The following FABP2 variants were observed in gnomAD, a reference collection of about 807,000 sequenced individuals.
The protein encoded by FABP2 is fatty acid binding protein 2.
FABP2 carries 11 observed loss-of-function variants against 16.1 expected under a neutral mutation model. The observed-to-expected ratio is 0.68, with a 90% CI of 0.43 to 1.13. The LOEUF (loss-of-function observed/expected upper bound fraction) is 1.13, where lower values mean the gene tolerates loss of function less well. Ranked by LOEUF, FABP2 falls within the 50% of genes most tolerant of loss-of-function variation. The pLI is 0.00. For synonymous variants in FABP2, 45 were observed against 50.9 expected, an observed-to-expected ratio of 0.88 and a Z score of 0.49; for missense variants, 146 against 155.1, an observed-to-expected ratio of 0.94 and a Z score of 0.31.
At position 119,322,130 on chromosome 4, in the gene FABP2, G is replaced by A. The variant is rs758828734; in HGVS notation, c.-28C>T. 3 of 1,585,140 alleles carry A rather than the reference G, an allele frequency of 1.9e-6. No homozygotes were observed. The Admixed American group carries it at 5.1e-5, about 27-fold the overall frequency. Reference sequence around the variant, plus strand: ...TTTCAGTTGAGTCAGCCTCTAGGCAGCTAGAGATTCAGGTCTGTCCTTGGG... The same window carrying A: ...TTTCAGTTGAGTCAGCCTCTAGGCAACTAGAGATTCAGGTCTGTCCTTGGG... On this transcript the variant is annotated 5_prime_UTR_variant, in exon 1 of 4. Transcript: ENST00000274024.
chr4:119,319,779 T>C lies in FABP2; in HGVS notation c.241-136A>G, dbSNP rs12711071. 95,024 of 329,594 alleles carry C rather than the reference T, an allele frequency of 0.29. 14,529 individuals carry two copies. The highest frequency in any genetic ancestry group is 0.38 in the African/African-American group (17,500 of 46,372). 20.4% of individuals were successfully genotyped at this position (329,594 alleles called of 1,614,324 possible). A position where few individuals can be genotyped will look rare whatever the true frequency, so the allele number is the denominator to read the frequency against. On this transcript the variant is annotated intron_variant, in intron 2 of 3. Transcript: ENST00000274024. ...TGGTGACCCTATGAAACTGATACTA[T>C]TATCTCTACTTTGCAGAAGAGGAGA...
Position 119,319,005 on chromosome 4 carries a change from C to T in FABP2, c.*36G>A. ...TCTGGTACAATATAGATCTTCTGTCCAATTTGTATTTTGGACTGTGCGCCA... is the reference window on the plus strand; with the variant it reads ...TCTGGTACAATATAGATCTTCTGTCTAATTTGTATTTTGGACTGTGCGCCA... On this transcript the variant is annotated 3_prime_UTR_variant, in exon 4 of 4. Transcript: ENST00000274024. The T allele has an allele frequency of 6.5e-7, 1 of 1,542,428 alleles. No individual in the cohort carries two copies. Among genetic ancestry groups the T allele is most frequent in the South Asian group, 1.2e-5 (1 of 85,260 alleles).
chr4:119,319,677 AATG>A, intron 2 of FABP2, 34 bp from the exon 3 acceptor site: 1 of 992,430 alleles, frequency 1.0e-6, no homozygotes, highest in Non-Finnish European at 1.3e-6. Flanking sequence ...TAATAATAAT[AATG>A]GCATTTATTA....
In FABP2 at chr4:119,319,085, C is replaced by A. The variant is rs1051898519; in HGVS notation, c.355G>T (p.Val119Leu). The change falls in exon 4 of 4, where the codon GTA becomes TTA. Residue 119 changes from valine (V) to leucine (L), a missense_variant. Physicochemically the swap from Val to Leu is conservative, Grantham distance 32. Coordinates refer to ENST00000274024, the MANE Select transcript of FABP2 (RefSeq NM_000134.4). ...IIGDELVQTY[V>L]YEGVEAKRIF... ...CTTTTGGCTTCTACTCCTTCATATA[C>A]ATAAGTCTGAAAGGTGTTAACAAAC... is the stretch of plus-strand genomic sequence containing the variant. 3.1e-6 allele frequency: 5 copies of A among 1,593,426 alleles called. No homozygotes were observed. In the Admixed American group the frequency reaches 7.1e-5, roughly 23 times the overall value.
Position 119,320,858 on chromosome 4 carries a change from C to A in FABP2, c.68-16G>T. 1 of 1,522,264 alleles carries A rather than the reference C, an allele frequency of 6.6e-7. No individual in the cohort carries two copies. Among genetic ancestry groups the A allele is most frequent in the Non-Finnish European group, 8.7e-7 (1 of 1,144,730 alleles). 94.3% of individuals were successfully genotyped at this position (1,522,264 alleles called of 1,614,324 possible). A position where few individuals can be genotyped will look rare whatever the true frequency, so the allele number is the denominator to read the frequency against. ...ATATTAACACCTGTAAAAGGTAAGA[C>A]AATGGAGAAAATAAAGTCAAATCCC... On this transcript the variant is annotated splice_polypyrimidine_tract_variant and intron_variant, in intron 1 of 3. Transcript: ENST00000274024.
At chr4:119,319,128 A>G in intron 3 of FABP2, 37 bp from the exon 4 acceptor site, 3 of 1,429,394 alleles carry the variant, frequency 2.1e-6, no homozygotes, top group South Asian at 1.2e-5. Context: ...TTTATCTTTA[A>G]GGTTTACATC....
chr4:119,319,455 G>C lies in FABP2; in HGVS notation c.348+81C>G, dbSNP rs969284937. 15 of 754,344 alleles carry C rather than the reference G, an allele frequency of 2.0e-5. 1 individual carries two copies. In the South Asian group the frequency reaches 2.1e-4, roughly 11 times the overall value. The allele number at this position is 754,344 out of a possible 1,614,324, so 46.7% of individuals were successfully genotyped here. On this transcript the variant is annotated intron_variant, in intron 3 of 3. Transcript: ENST00000274024. Reference sequence around the variant, plus strand: ...GAAAAGAAGTAGTCAGTTTACTGAAGATCTGGCTCAGCAGTGACAAAAATT... The same window carrying C: ...GAAAAGAAGTAGTCAGTTTACTGAACATCTGGCTCAGCAGTGACAAAAATT...
rs867211181 is a variant in FABP2, at chr4:119,320,733, A to G, written c.177T>C (p.Ile59=). 2 of 1,605,500 alleles carry G rather than the reference A, an allele frequency of 1.2e-6. No individual in the cohort carries two copies. The highest frequency in any genetic ancestry group is 2.7e-5 in the African/African-American group (2 of 74,264). ...TGACACCAAGTTCAAAAACAACTTC[A>G]ATGTTTCGAAAAGTGCTTGATTCTT... ...TVKESSTFRN[I]EVVFELGVTF... The change falls in exon 2 of 4, where the codon ATT becomes ATC. Residue 59 remains isoleucine (I), a synonymous_variant. Transcript: ENST00000274024.
chr4:119,320,970 G>A, intron 1 of FABP2, 128 bp from the exon 2 acceptor site: 1 of 670,216 alleles, frequency 1.5e-6, no homozygotes, highest in Non-Finnish European at 2.3e-6. Context: ...CTTTGCACAA[G>A]AACATTCAGA....
intron 2 of FABP2, 21 bp from the exon 3 acceptor site, chr4:119,319,664 T>TAATAATAAC: frequency 9.9e-7 from 1 of 1,005,220 alleles, no homozygotes; most frequent in African/African-American, 1.7e-5. Context: ...ATAATAATAA[T>TAATAATAAC]AATAATAATA....
chr4:119,320,701 TTAAA>T lies in FABP2; in HGVS notation c.205_208del (p.Phe69IlefsTer4), dbSNP rs1371874284. 1 of 1,599,442 alleles carries T rather than the reference TTAAA, an allele frequency of 6.3e-7. No individual in the cohort carries two copies. Among genetic ancestry groups the T allele is most frequent in the Non-Finnish European group, 8.5e-7 (1 of 1,175,558 alleles). On this transcript the variant is annotated frameshift_variant, in exon 2 of 4. Transcript: ENST00000274024. LOFTEE classifies it high-confidence loss of function. ...TTCAGTTCCGTCTGCTAGATTGTAATTAAAGGTGACACCAAGTTCAAAAACAACT... is the reference window on the plus strand; with the variant it reads ...TTCAGTTCCGTCTGCTAGATTGTAATGGTGACACCAAGTTCAAAAACAACT...
rs780659556 is a variant in FABP2, at chr4:119,320,758, TTGAC to T, written c.148_151del (p.Val50LysfsTer23). On this transcript the variant is annotated frameshift_variant, in exon 2 of 4. Coordinates refer to ENST00000274024, the MANE Select transcript of FABP2 (RefSeq NM_000134.4). LOFTEE classifies it high-confidence loss of function. The stretch of plus-strand genomic sequence containing the variant: ...AATGTTTCGAAAAGTGCTTGATTCT[TTGAC>T]TGTGAATTTATTTCCTTCTTGTGTA... 5.6e-6 allele frequency: 9 copies of T among 1,606,354 alleles called. No individual in the cohort carries two copies. Among genetic ancestry groups the T allele is most frequent in the East Asian group, 2.2e-5 (1 of 44,518 alleles).
rs1374084118 is a variant in FABP2 at position 119,322,091 on chromosome 4, G to A, written c.12C>T (p.Asp4=). 6.2e-7 allele frequency: 1 copy of A among 1,613,070 alleles called. No homozygotes were observed. The highest frequency in any genetic ancestry group is 8.5e-7 in the Non-Finnish European group (1 of 1,179,480). The change falls in exon 1 of 4, where the codon GAC becomes GAT. Residue 4 remains aspartate (D), a synonymous_variant. Coordinates refer to ENST00000274024, the MANE Select transcript of FABP2 (RefSeq NM_000134.4). ...CACTCCGGTCTACCTTCCAAGTGCT[G>A]TCAAACGCCATGATTTCAGTTGAGT... MAF[D]STWKVDRSEN...
At chr4:119,320,321 GCTATTA>G (rs1755645792) in intron 2 of FABP2, among the ~76,000 whole-genome samples, 3 of 66,822 alleles carry the variant, frequency 4.5e-5, no homozygotes, top group Admixed American at 1.4e-4. Context: ...ATGTTAAATT[GCTATTA>G]CAGTTAAGTT....
At chr4:119,320,379 AAC>A (rs1360152504) in intron 2 of FABP2, among the ~76,000 whole-genome samples, 5 of 152,098 alleles carry the variant, frequency 3.3e-5, no homozygotes, top group Admixed American at 1.3e-4. Context: ...ACTGTTTAAA[AAC>A]ACAGTTTTAA....
In FABP2 at chr4:119,320,748, G is replaced by A. The variant is rs751334301; in HGVS notation, c.162C>T (p.Ser54=). ...AAACAACTTCAATGTTTCGAAAAGT[G>A]CTTGATTCTTTGACTGTGAATTTAT... ...EGNKFTVKES[S]TFRNIEVVFE... Residue 54 remains serine, a synonymous_variant, in exon 2 of 4, where the codon AGC becomes AGT. Transcript: ENST00000274024. The A allele has an allele frequency of 6.2e-6, 10 of 1,605,682 alleles. No individual in the cohort carries two copies. In the South Asian group the frequency reaches 6.7e-5, roughly 11 times the overall value.
chr4:119,320,781 T>C lies in FABP2; in HGVS notation c.129A>G (p.Gln43=). The C allele has an allele frequency of 6.2e-7, 1 of 1,605,004 alleles. No individual in the cohort carries two copies. The highest frequency in any genetic ancestry group is 1.3e-5 in the African/African-American group (1 of 74,352). The change falls in exon 2 of 4, where the codon CAA becomes CAG. Residue 43 remains glutamine (Q), a synonymous_variant. Coordinates refer to ENST00000274024, the MANE Select transcript of FABP2 (RefSeq NM_000134.4). ...CTTTGACTGTGAATTTATTTCCTTC[T>C]TGTGTAATTGTCAGCTTCAAATTGT... ...AHDNLKLTIT[Q]EGNKFTVKES... is the part of the protein sequence containing the mutation.
At chr4:119,321,135 G>A (rs1653462409) in intron 1 of FABP2, among the ~76,000 whole-genome samples, 1 of 152,030 alleles carries the variant, frequency 6.6e-6, no homozygotes, top group Admixed American at 6.6e-5. Context: ...TCAGTGTTAA[G>A]TAAATCAAAT....
chr4:119,317,527 C>T lies in FABP2; in HGVS notation c.*1514G>A, dbSNP rs1007886047. 4.4e-4 allele frequency: 67 copies of T among 152,162 alleles called. No homozygotes were observed. The highest frequency in any genetic ancestry group is 1.4e-3 in the African/African-American group (58 of 41,552). The allele number at this position is 152,162 out of a possible 1,614,324, so 9.4% of individuals were successfully genotyped here. ...GTATTCAGCTTTCAAAGATTACATACTCTCTATTCATTTTCATCAGGTACT... is the reference window on the plus strand; with the variant it reads ...GTATTCAGCTTTCAAAGATTACATATTCTCTATTCATTTTCATCAGGTACT... On this transcript the variant is annotated 3_prime_UTR_variant, in exon 4 of 4. Transcript: ENST00000274024.
Sources: allele counts gnomAD v4.1 joint callset (sites outside exome capture counted in the v4.1 genomes callset), GRCh38; gene constraint gnomAD v4.1.1; transcripts MANE v1.5; gene names NCBI Gene and HGNC (gene_info 2026-07-23, HGNC 2026-07-21).